Variants in AGBL1 observed in about 807,000 individuals in gnomAD.
The protein encoded by AGBL1 is cytosolic carboxypeptidase 4.
In AGBL1, 130 loss-of-function variants were observed where a neutral mutation model predicts 118.9. The ratio of observed to expected loss-of-function variants is 1.09; its 90% confidence interval spans 0.95 to 1.26. AGBL1 has a LOEUF of 1.26. Among genes scored for constraint, AGBL1 ranks in the 50% most tolerant of loss-of-function variants. AGBL1 has a pLI of 0.00. For missense variants in AGBL1, 1,584 were observed against 1,298.1 expected (o/e 1.22, Z -3.38); for synonymous variants, 555 against 478.9 (o/e 1.16, Z -2.08).
chr15:86,201,790 A>G (rs953717315), intron 5 of AGBL1, among the ~76,000 whole-genome samples: 1 of 152,176 alleles, frequency 6.6e-6, no homozygotes, highest in African/African-American at 2.4e-5. Context: ...GTGGAGCTTC[A>G]GTAACTGAAT....
At chr15:87,003,466 T>A (rs1389223008) in intron 24 of AGBL1, among the ~76,000 whole-genome samples, 2 of 152,160 alleles carry the variant, frequency 1.3e-5, no homozygotes, top group Non-Finnish European at 2.9e-5. Flanking sequence ...TGCCAGGCTT[T>A]GGTATCGTGA....
intron 21 of AGBL1, among the ~76,000 whole-genome samples, chr15:86,605,739 C>T (rs952075416): frequency 6.9e-5 from 10 of 144,932 alleles, no homozygotes; most frequent in Non-Finnish European, 1.4e-4. Flanking sequence ...CTGACGTGGA[C>T]TCAGGCTGTA....
intron 23 of AGBL1, among the ~76,000 whole-genome samples, chr15:86,981,623 A>T (rs970032046): frequency 2.6e-5 from 4 of 152,186 alleles, no homozygotes; most frequent in African/African-American, 9.7e-5. Context: ...CGTCACAGAA[A>T]TGCAGAATAC....
chr15:86,458,200 A>G (rs144565900), intron 18 of AGBL1, among the ~76,000 whole-genome samples: 63 of 152,280 alleles, frequency 4.1e-4, no homozygotes, highest in African/African-American at 1.4e-3. Flanking sequence ...TGTTTTTCCA[A>G]TATTTGGAGG....
intron 6 of AGBL1, among the ~76,000 whole-genome samples, chr15:86,242,695 T>A (rs1054483764): frequency 3.9e-5 from 6 of 152,210 alleles, no homozygotes; most frequent in Admixed American, 6.5e-5. Flanking sequence ...CTCCTACATT[T>A]TCTCTGCTTA....
At chr15:86,395,232 A>G (rs971919478) in intron 17 of AGBL1, among the ~76,000 whole-genome samples, 2 of 152,036 alleles carry the variant, frequency 1.3e-5, no homozygotes. Context: ...ATGTTCCATC[A>G]TCTCTAGCCC....
chr15:86,351,812 C>T (rs1496881), intron 17 of AGBL1, among the ~76,000 whole-genome samples: 3 of 152,010 alleles, frequency 2.0e-5, no homozygotes, highest in Non-Finnish European at 4.4e-5. Flanking sequence ...TACAAGCTGA[C>T]GCCATTTATT....
At position 86,258,030 on chromosome 15, in the gene AGBL1, A is replaced by G. The variant is rs192090714; in HGVS notation, c.968A>G (p.Glu323Gly). The G allele has an allele frequency of 1.4e-4, 232 of 1,613,546 alleles. 2 individuals are homozygous for G. In the East Asian group the frequency reaches 4.5e-3, roughly 31 times the overall value. ...TCTGATACTGAAGATGGGAAAGTGG[A>G]AGTAGGTACACCAGCCCATGCTTCT... is the stretch of plus-strand genomic sequence containing the variant. ...KDSDTEDGKVEDDDLETDVNK... is the reference protein window; with the variant it reads ...KDSDTEDGKVGDDDLETDVNK... The change falls in exon 9 of 23, where the codon GAA (glutamate) becomes GGA (glycine). Residue 323 changes from glutamate to glycine, a missense_variant and splice_region_variant. Physicochemically the swap from Glu to Gly is moderately conservative, Grantham distance 98. Coordinates refer to ENST00000614907, the MANE Select transcript of AGBL1 (RefSeq NM_001386094.1).
intron 18 of AGBL1, among the ~76,000 whole-genome samples, chr15:86,503,941 T>A (rs1596197960): frequency 6.6e-6 from 1 of 151,742 alleles, no homozygotes; most frequent in East Asian, 1.9e-4. Context: ...TTAATCTACT[T>A]GTTTCATATT....
intron 18 of AGBL1, among the ~76,000 whole-genome samples, chr15:86,425,399 G>A (rs1204262607): frequency 4.6e-5 from 7 of 152,022 alleles, no homozygotes; most frequent in African/African-American, 1.7e-4. Context: ...GGGGGTGGGG[G>A]GCTAGGGGAG....
intron 18 of AGBL1, among the ~76,000 whole-genome samples, chr15:86,469,275 G>A (rs4471646): frequency 0.18 from 27,634 of 152,010 alleles, 2,978 homozygotes; most frequent in African/African-American, 0.3. Flanking sequence ...ATCAACCTTT[G>A]ACTGACTGCT....
In AGBL1 at chr15:86,151,291, A is replaced by G. The variant is rs181787166; in HGVS notation, c.263-3139A>G. Among the ~76,000 whole-genome samples, 2 of 140,538 alleles carry G rather than the reference A, an allele frequency of 1.4e-5. 1 individual carries two copies. Among genetic ancestry groups the G allele is most frequent in the East Asian group, 4.4e-4 (2 of 4,520 alleles). 92.2% of individuals were successfully genotyped at this position (140,538 alleles called of 152,430 possible). On this transcript the variant is annotated intron_variant, in intron 3 of 22. Coordinates refer to ENST00000614907, the MANE Select transcript of AGBL1 (RefSeq NM_001386094.1). The stretch of plus-strand genomic sequence containing the variant: ...ATTGTGCACAAGTACCCTAAAACTT[A>G]AAGTGTAATTAAAAAAAAAAAAAAA...
At chr15:86,823,363 G>C (rs2078967241) in intron 22 of AGBL1, among the ~76,000 whole-genome samples, 2 of 152,250 alleles carry the variant, frequency 1.3e-5, no homozygotes, top group Middle Eastern at 6.8e-3. Flanking sequence ...GCCAGTAGAA[G>C]TAACCCCCTC....
chr15:87,021,114 CAG>C (rs1365871319), intron 24 of AGBL1, among the ~76,000 whole-genome samples: 9 of 152,206 alleles, frequency 5.9e-5, no homozygotes. Flanking sequence ...ACAAACCAAA[CAG>C]TAACCAAAAC....
chr15:86,770,369 T>G (rs1357772138), intron 22 of AGBL1, among the ~76,000 whole-genome samples: 1 of 151,886 alleles, frequency 6.6e-6, no homozygotes, highest in Non-Finnish European at 1.5e-5. Context: ...TTTTTTATCT[T>G]CATGACTGGG....
chr15:86,962,576 C>T (rs1567261534), intron 23 of AGBL1, among the ~76,000 whole-genome samples: 1 of 151,812 alleles, frequency 6.6e-6, no homozygotes, highest in Non-Finnish European at 1.5e-5. Context: ...TAAAGCTCTC[C>T]TAGGGAGACA....
intron 18 of AGBL1, among the ~76,000 whole-genome samples, chr15:86,522,433 A>G (rs1360984418): frequency 6.6e-6 from 1 of 152,224 alleles, no homozygotes; most frequent in Admixed American, 6.5e-5. Context: ...GTAACACACC[A>G]AGTATGATAG....
At chr15:86,330,206 A>G (rs911442500) in intron 17 of AGBL1, among the ~76,000 whole-genome samples, 4 of 152,184 alleles carry the variant, frequency 2.6e-5, no homozygotes, top group Non-Finnish European at 5.9e-5. Context: ...GGCAACAGAG[A>G]ACTTTTGCCA....
At chr15:86,588,338 T>G (rs2084283316) in intron 21 of AGBL1, among the ~76,000 whole-genome samples, 1 of 152,160 alleles carries the variant, frequency 6.6e-6, no homozygotes, top group Admixed American at 6.5e-5. Context: ...TCTCCTCCAG[T>G]TATCACTGAC....
Sources: gnomAD v4.1 joint callset for allele counts (sites outside exome capture counted in the v4.1 genomes callset) on GRCh38, gnomAD v4.1.1 for gene constraint, MANE v1.5 for transcripts, NCBI Gene and HGNC (gene_info 2026-07-23, HGNC 2026-07-21) for gene names.